Variants in ADAMTSL1 observed in about 807,000 individuals in gnomAD.
ADAMTSL1 encodes ADAMTS-like protein 1.
Under a neutral mutation model 201.8 loss-of-function variants are expected in ADAMTSL1, and 126 were observed. That is an observed-to-expected ratio of 0.62 (90% CI 0.54 to 0.72). ADAMTSL1 has a LOEUF of 0.72. Among genes scored for constraint, ADAMTSL1 ranks in the 30% least tolerant of loss-of-function variants. The probability of loss-of-function intolerance (pLI) is 0.00; values close to 1 mark genes in which losing one functional copy is unlikely to be tolerated. For missense variants in ADAMTSL1, 2,679 were observed against 2,277.8 expected (o/e 1.18, Z -3.59); for synonymous variants, 1,121 against 903.4 (o/e 1.24, Z -4.32).
chr9:18,200,751 T>A (rs951991392), intron 2 of ADAMTSL1, among the ~76,000 whole-genome samples: 1 of 152,070 alleles, frequency 6.6e-6, no homozygotes, highest in African/African-American at 2.4e-5. Context: ...ATAAGTTTAA[T>A]GTATATAAAA....
intron 23 of ADAMTSL1, among the ~76,000 whole-genome samples, chr9:18,874,550 AT>A (rs1179643157): frequency 1.3e-5 from 2 of 151,734 alleles, no homozygotes; most frequent in Non-Finnish European, 3.0e-5. Flanking sequence ...AAATCATGGG[AT>A]TTTTTTATTT....
At position 18,868,653 on chromosome 9, in the gene ADAMTSL1, G is replaced by T. The variant is rs559419249; in HGVS notation, c.4250-19178G>T. 2.0e-4 allele frequency among the ~76,000 whole-genome samples: 30 copies of T among 152,286 alleles called. No homozygotes were observed. The South Asian group carries it at 5.4e-3, about 27-fold the overall frequency. On this transcript the variant is annotated intron_variant, in intron 23 of 28. Transcript: ENST00000380548. ...GAAAATATAAAGCTCACAGCTTCCT[G>T]GTTGCTCTTTGCTAAACCTTGCAGA...
chr9:18,890,590 C>A (rs183324456), intron 25 of ADAMTSL1: 1 of 455,904 alleles, frequency 2.2e-6, no homozygotes, highest in East Asian at 7.0e-5. Context: ...AGGAGAGATT[C>A]GATGAAATAT....
chr9:18,884,872 G>A (rs147176553), intron 23 of ADAMTSL1, among the ~76,000 whole-genome samples: 52 of 152,086 alleles, frequency 3.4e-4, no homozygotes, highest in Non-Finnish European at 6.3e-4. Context: ...TAGTTATTCT[G>A]GGTTTTTGAT....
chr9:18,636,710 G>C (rs1196953361), intron 6 of ADAMTSL1, among the ~76,000 whole-genome samples: 1 of 152,120 alleles, frequency 6.6e-6, no homozygotes, highest in African/African-American at 2.4e-5. Flanking sequence ...GTGTTGTTTA[G>C]ATACAGACCT....
At chr9:18,316,061 A>C (rs1052270511) in intron 2 of ADAMTSL1, among the ~76,000 whole-genome samples, 1 of 152,188 alleles carries the variant, frequency 6.6e-6, no homozygotes, top group Non-Finnish European at 1.5e-5. Flanking sequence ...AGGTTCCGTG[A>C]TGCCCCACAA....
intron 4 of ADAMTSL1, among the ~76,000 whole-genome samples, chr9:18,595,661 C>G (rs891471977): frequency 6.6e-6 from 1 of 152,192 alleles, no homozygotes; most frequent in African/African-American, 2.4e-5. Flanking sequence ...GAATAGTGCC[C>G]CAGGGCAAAT....
intron 1 of ADAMTSL1, among the ~76,000 whole-genome samples, chr9:18,075,319 A>G (rs552914789): frequency 1.2e-4 from 18 of 152,324 alleles, no homozygotes; most frequent in African/African-American, 4.1e-4. Flanking sequence ...TGCATTTTTA[A>G]AAAGTGAAGT....
intron 2 of ADAMTSL1, among the ~76,000 whole-genome samples, chr9:18,361,195 A>G (rs1438671415): frequency 2.0e-5 from 3 of 152,210 alleles, no homozygotes; most frequent in Non-Finnish European, 4.4e-5. Context: ...TCTGTAATGT[A>G]TCTAGGGTTC....
chr9:18,023,908 G>A (rs192172971), intron 1 of ADAMTSL1, among the ~76,000 whole-genome samples: 162 of 152,158 alleles, frequency 1.1e-3, no homozygotes, highest in African/African-American at 2.3e-3. Flanking sequence ...TTAAACTGAC[G>A]TATTCAGAAA....
At chr9:17,953,286 C>G (rs142686376) in intron 1 of ADAMTSL1, among the ~76,000 whole-genome samples, 1 of 152,232 alleles carries the variant, frequency 6.6e-6, no homozygotes. Context: ...CTATAACTAC[C>G]CCACCAGAAA....
At chr9:18,251,003 C>T (rs1005217930) in intron 2 of ADAMTSL1, among the ~76,000 whole-genome samples, 3 of 151,600 alleles carry the variant, frequency 2.0e-5, no homozygotes, top group Non-Finnish European at 2.9e-5. Context: ...CAGCAGATCT[C>T]AATGAAGAAA....
intron 1 of ADAMTSL1, among the ~76,000 whole-genome samples, chr9:17,976,823 A>G (rs947558410): frequency 6.9e-6 from 1 of 144,546 alleles, no homozygotes; most frequent in Non-Finnish European, 1.5e-5. Context: ...GATGCCTTTT[A>G]TTTTGTTTTT....
chr9:18,490,559 A>G (rs1219324647), intron 1 of ADAMTSL1, among the ~76,000 whole-genome samples: 1 of 152,134 alleles, frequency 6.6e-6, no homozygotes, highest in Non-Finnish European at 1.5e-5. Context: ...AGAGACGTAG[A>G]TTTGTAAATC....
At chr9:18,538,117 A>G (rs1002084176) in intron 3 of ADAMTSL1, among the ~76,000 whole-genome samples, 2 of 152,244 alleles carry the variant, frequency 1.3e-5, no homozygotes, top group East Asian at 3.9e-4. Flanking sequence ...TGGAGAATGG[A>G]TGCAAAGCAG....
At chr9:17,925,892 A>C (rs1265409399) in intron 1 of ADAMTSL1, among the ~76,000 whole-genome samples, 2 of 152,032 alleles carry the variant, frequency 1.3e-5, no homozygotes, top group African/African-American at 4.8e-5. Flanking sequence ...GCATCCAGCA[A>C]CCTGACACTT....
chr9:18,165,216 G>C (rs1436180531), intron 2 of ADAMTSL1, among the ~76,000 whole-genome samples: 1 of 151,788 alleles, frequency 6.6e-6, no homozygotes, highest in Non-Finnish European at 1.5e-5. Context: ...CCCATTTGCT[G>C]TTATGCGAAA....
chr9:17,935,443 C>A (rs1333928281), intron 1 of ADAMTSL1, among the ~76,000 whole-genome samples: 2 of 152,140 alleles, frequency 1.3e-5, no homozygotes, highest in Non-Finnish European at 2.9e-5. Context: ...GTTGCCTAGA[C>A]TCTAACCTCA....
intron 1 of ADAMTSL1, among the ~76,000 whole-genome samples, chr9:17,997,551 G>A (rs1819433210): frequency 6.6e-6 from 1 of 152,010 alleles, no homozygotes; most frequent in Admixed American, 6.6e-5. Flanking sequence ...TCTGCTTTTA[G>A]TGAAGACAAA....
Sources: gnomAD v4.1 joint callset for allele counts (sites outside exome capture counted in the v4.1 genomes callset) on GRCh38, gnomAD v4.1.1 for gene constraint, MANE v1.5 for transcripts, NCBI Gene and HGNC (gene_info 2026-07-23, HGNC 2026-07-21) for gene names.